Variants in IQSEC1 observed in about 807,000 individuals in gnomAD.
The protein encoded by IQSEC1 is IQ motif and Sec7 domain ArfGEF 1, also known as IQ motif and SEC7 domain-containing protein 1.
In IQSEC1, 31 loss-of-function variants were observed where a neutral mutation model predicts 91.0. The observed-to-expected ratio is 0.34, with a 90% CI of 0.26 to 0.46. IQSEC1 has a LOEUF of 0.46. Among genes scored for constraint, IQSEC1 ranks in the 20% least tolerant of loss-of-function variants. The pLI is 1.00. For synonymous variants in IQSEC1, 699 were observed against 662.6 expected (o/e 1.05, Z -0.84); for missense variants, 1,388 against 1,575.6 (o/e 0.88, Z 2.02).
In IQSEC1 at chr3:13,158,450, A is replaced by G. The variant is rs148716166; in HGVS notation, c.302+5654T>C. On this transcript the variant is annotated intron_variant, in intron 2 of 15. Transcript: ENST00000648114. ...CCTTGGTATGGAGACAGAAAACTGG[A>G]TTTGTTTGGACTAATTACGTTTACT... 4.6e-5 allele frequency among the ~76,000 whole-genome samples: 7 copies of G among 152,324 alleles called. 1 individual carries two copies. The highest frequency in any genetic ancestry group is 1.7e-4 in the African/African-American group (7 of 41,568).
At chr3:12,911,975 C>T (rs559235731) in intron 9 of IQSEC1, among the ~76,000 whole-genome samples, 11 of 152,344 alleles carry the variant, frequency 7.2e-5, no homozygotes, top group Non-Finnish European at 1.0e-4. Context: ...CTTCACAGCA[C>T]GGAGCCCCCT....
At chr3:13,130,019 T>C (rs1706584353) in intron 2 of IQSEC1, among the ~76,000 whole-genome samples, 1 of 151,960 alleles carries the variant, frequency 6.6e-6, no homozygotes, top group Non-Finnish European at 1.5e-5. Context: ...AGACTTTCTT[T>C]TGATTTCTTC....
chr3:13,255,525 CT>C (rs980308473), intron 1 of IQSEC1, among the ~76,000 whole-genome samples: 9 of 152,142 alleles, frequency 5.9e-5, no homozygotes, highest in African/African-American at 2.2e-4. Context: ...AGGAAAAAGT[CT>C]TGTATAATAC....
At chr3:13,001,084 T>G (rs1023760139) in intron 1 of IQSEC1, among the ~76,000 whole-genome samples, 1 of 151,792 alleles carries the variant, frequency 6.6e-6, no homozygotes, top group Non-Finnish European at 1.5e-5. Flanking sequence ...CCCAAGTAGC[T>G]GGGATTACAG....
chr3:13,101,419 C>CAAAAAAAAAAAAAAAAAAAAAAAAAAAAA (rs5846799), intron 2 of IQSEC1, among the ~76,000 whole-genome samples: 3 of 119,498 alleles, frequency 2.5e-5, no homozygotes, highest in Non-Finnish European at 5.3e-5. Context: ...ATTCCATCTC[C>CAAAAAAAAAAAAAAAAAAAAAAAAAAAAA]AAAAAAAAAA....
intron 1 of IQSEC1, among the ~76,000 whole-genome samples, chr3:13,263,431 G>GTTT (rs1219792597): frequency 6.2e-5 from 8 of 129,616 alleles, no homozygotes; most frequent in East Asian, 2.8e-4. Context: ...TTTTTTTGGG[G>GTTT]GGGGGGGGAA....
At position 12,897,465 on chromosome 3, in the gene IQSEC1, C is replaced by T. The variant is rs920966283; in HGVS notation, c.*3518G>A. The stretch of plus-strand genomic sequence containing the variant: ...CAACTCGGAGGCAAAAGATATTTTC[C>T]AAGAGGAGATGCATGCTGTGTGCAG... On this transcript the variant is annotated 3_prime_UTR_variant, in exon 14 of 14. Transcript: ENST00000613206. 1.3e-5 allele frequency: 2 copies of T among 152,146 alleles called. No individual in the cohort carries two copies. Among genetic ancestry groups the T allele is most frequent in the African/African-American group, 4.8e-5 (2 of 41,414 alleles). 9.4% of individuals were successfully genotyped at this position (152,146 alleles called of 1,614,324 possible). A position where few individuals can be genotyped will look rare whatever the true frequency, so the allele number is the denominator to read the frequency against.
chr3:13,093,415 G>C (rs951622504), intron 2 of IQSEC1, among the ~76,000 whole-genome samples: 3 of 152,048 alleles, frequency 2.0e-5, no homozygotes, highest in Non-Finnish European at 4.4e-5. Flanking sequence ...TGTCCTCACC[G>C]GGCCCCAGGG....
chr3:13,020,369 C>T (rs372570001), intron 1 of IQSEC1, among the ~76,000 whole-genome samples: 21 of 152,352 alleles, frequency 1.4e-4, no homozygotes, highest in East Asian at 3.9e-4. Context: ...TTAGCCCTCA[C>T]TGTCTGCCCT....
chr3:12,947,316 C>A (rs1246799722), intron 1 of IQSEC1, among the ~76,000 whole-genome samples: 2 of 152,154 alleles, frequency 1.3e-5, no homozygotes, highest in African/African-American at 4.8e-5. Context: ...GCAGGTCAGA[C>A]ACCCGTCAGA....
intron 1 of IQSEC1, among the ~76,000 whole-genome samples, chr3:13,277,674 A>G (rs1443557456): frequency 6.6e-6 from 1 of 152,184 alleles, no homozygotes; most frequent in Non-Finnish European, 1.5e-5. Flanking sequence ...CCTCCCCAGC[A>G]CTGGACACGG....
chr3:13,277,227 C>T (rs909041208), intron 1 of IQSEC1, among the ~76,000 whole-genome samples: 3 of 150,610 alleles, frequency 2.0e-5, no homozygotes, highest in African/African-American at 7.4e-5. Flanking sequence ...TGGCAAAAAA[C>T]GCTGATGTCC....
intron 1 of IQSEC1, among the ~76,000 whole-genome samples, chr3:12,987,437 T>G (rs1425251215): frequency 1.3e-5 from 2 of 152,214 alleles, no homozygotes; most frequent in African/African-American, 4.8e-5. Context: ...CACATGTGCA[T>G]GTGTCAGAGA....
intron 2 of IQSEC1, among the ~76,000 whole-genome samples, chr3:13,124,240 C>T (rs1454217719): frequency 6.6e-6 from 1 of 152,206 alleles, no homozygotes; most frequent in Non-Finnish European, 1.5e-5. Context: ...TGCACCTTGG[C>T]TGCTTTAGGA....
chr3:12,908,226 G>T lies in IQSEC1; in HGVS notation c.2755+123C>A. The T allele has an allele frequency of 9.8e-7, 1 of 1,017,370 alleles. No homozygotes were observed. Among genetic ancestry groups the T allele is most frequent in the Non-Finnish European group, 1.4e-6 (1 of 702,676 alleles). 63.0% of individuals were successfully genotyped at this position (1,017,370 alleles called of 1,614,324 possible). ...GCTGCTCTGCTTTGCGGAAGGTCAG[G>T]GGAAATGCCGCACTGGCTTCGCCGC... On this transcript the variant is annotated intron_variant, in intron 12 of 13. Transcript: ENST00000613206. This position sits in a 1 kb window ranked among gnomAD's most constrained non-coding sequence, Gnocchi z 4.9.
rs118081349 is a variant in IQSEC1 at position 13,163,497 on chromosome 3, G to A, written c.302+607C>T. On this transcript the variant is annotated intron_variant, in intron 2 of 15. Coordinates refer to the IQSEC1 transcript ENST00000648114. ...CCAGCTCATGCCTTGAGAACTGCTG[G>A]GCCTCAGGCCCCGTGGCTGGGGCAC... 2.5e-3 allele frequency among the ~76,000 whole-genome samples: 353 copies of A among 139,806 alleles called. 10 individuals carry two copies. In the East Asian group the frequency reaches 0.068, roughly 27 times the overall value. The allele number at this position is 139,806 out of a possible 152,430, so 91.7% of individuals were successfully genotyped here.
At chr3:13,133,639 G>C (rs921308846) in intron 2 of IQSEC1, among the ~76,000 whole-genome samples, 1 of 152,234 alleles carries the variant, frequency 6.6e-6, no homozygotes. Context: ...CGGTTGCACC[G>C]AGTCACACGG....
At chr3:13,081,731 C>T (rs1705649786) in intron 2 of IQSEC1, among the ~76,000 whole-genome samples, 1 of 152,224 alleles carries the variant, frequency 6.6e-6, no homozygotes, top group African/African-American at 2.4e-5. Context: ...GGGACCAGTG[C>T]ACGGGGTGGA....
chr3:13,076,529 C>T (rs1003553207), upstream of IQSEC1, among the ~76,000 whole-genome samples: 1 of 152,140 alleles, frequency 6.6e-6, no homozygotes, highest in African/African-American at 2.4e-5. Context: ...AGAGGGAGGA[C>T]GGAGAAGGTT....
Sources: gnomAD v4.1 joint callset for allele counts (sites outside exome capture counted in the v4.1 genomes callset) on GRCh38, gnomAD v4.1.1 for gene constraint, Gnocchi (gnomAD v3.1) non-coding constraint, MANE v1.5 for transcripts, NCBI Gene and HGNC (gene_info 2026-07-23, HGNC 2026-07-21) for gene names.